The following LRMDA variants were observed in gnomAD, a reference collection of about 807,000 sequenced individuals.
LRMDA encodes the protein leucine rich melanocyte differentiation associated.
LRMDA carries 18 observed loss-of-function variants against 29.8 expected under a neutral mutation model. That is an observed-to-expected ratio of 0.60 (90% CI 0.42 to 0.90). LRMDA has a LOEUF of 0.90. Ranked by LOEUF, LRMDA falls within the 40% of genes least tolerant of loss-of-function variation. LRMDA has a pLI of 0.00. For synonymous variants in LRMDA, 125 were observed against 109.4 expected (o/e 1.14, Z -0.89); for missense variants, 273 against 273.9 (o/e 1.00, Z 0.02).
intron 6 of LRMDA, among the ~76,000 whole-genome samples, chr10:76,359,137 A>G (rs1841278769): frequency 6.6e-6 from 1 of 152,146 alleles, no homozygotes; most frequent in African/African-American, 2.4e-5. Context: ...CCACCACACC[A>G]TTTTGTCATT....
At chr10:76,000,172 T>G (rs1356242348) in intron 2 of LRMDA, among the ~76,000 whole-genome samples, 1 of 152,098 alleles carries the variant, frequency 6.6e-6, no homozygotes, top group Non-Finnish European at 1.5e-5. Flanking sequence ...TTTTTGGTGA[T>G]GGAGGTGGAG....
At chr10:75,471,776 A>G (rs1010690196) in intron 2 of LRMDA, among the ~76,000 whole-genome samples, 11 of 152,190 alleles carry the variant, frequency 7.2e-5, no homozygotes, top group African/African-American at 2.7e-4. Flanking sequence ...TGATGTTGGA[A>G]ATCGAGTGGT....
intron 6 of LRMDA, among the ~76,000 whole-genome samples, chr10:76,530,755 A>C (rs1009428743): frequency 6.6e-6 from 1 of 152,206 alleles, no homozygotes; most frequent in African/African-American, 2.4e-5. Context: ...GTATCATGGA[A>C]TGAAACACAA....
At chr10:75,813,359 C>G (rs1005799327) in intron 2 of LRMDA, among the ~76,000 whole-genome samples, 25 of 152,300 alleles carry the variant, frequency 1.6e-4, no homozygotes, top group Admixed American at 8.5e-4. Context: ...GAAGTATCTT[C>G]CCTGGAGGGT....
chr10:75,575,726 C>T (rs551246966), intron 2 of LRMDA, among the ~76,000 whole-genome samples: 88 of 152,190 alleles, frequency 5.8e-4, no homozygotes, highest in Non-Finnish European at 9.9e-4. Flanking sequence ...GAGGGTGAGC[C>T]GAAGCAGGAG....
At chr10:76,309,588 GGT>G (rs1170288403) in intron 5 of LRMDA, among the ~76,000 whole-genome samples, 1 of 152,066 alleles carries the variant, frequency 6.6e-6, no homozygotes, top group Non-Finnish European at 1.5e-5. Context: ...TTGAAAGGCG[GGT>G]GTCTCCCTCT....
At chr10:75,721,559 T>A (rs1351759929) in intron 2 of LRMDA, among the ~76,000 whole-genome samples, 1 of 152,098 alleles carries the variant, frequency 6.6e-6, no homozygotes, top group Non-Finnish European at 1.5e-5. Context: ...GGTGATGGAT[T>A]ATTAGGGATT....
At chr10:76,433,048 C>T (rs1169632833) in intron 6 of LRMDA, among the ~76,000 whole-genome samples, 1 of 152,158 alleles carries the variant, frequency 6.6e-6, no homozygotes, top group Non-Finnish European at 1.5e-5. Flanking sequence ...CCACATTGAA[C>T]TCAGAAGTAT....
chr10:76,338,409 G>A (rs141169061), intron 6 of LRMDA, among the ~76,000 whole-genome samples: 3 of 149,920 alleles, frequency 2.0e-5, no homozygotes, highest in Non-Finnish European at 1.5e-5. Context: ...ATAAATAAAT[G>A]GATGTAGAAC....
At chr10:75,947,410 C>T (rs988366291) in intron 2 of LRMDA, among the ~76,000 whole-genome samples, 1 of 152,176 alleles carries the variant, frequency 6.6e-6, no homozygotes, top group Non-Finnish European at 1.5e-5. Context: ...TCGCAAGCCT[C>T]ACTTCAGGCA....
chr10:76,165,051 C>T (rs1025652961), intron 5 of LRMDA, among the ~76,000 whole-genome samples: 2 of 152,224 alleles, frequency 1.3e-5, no homozygotes, highest in Non-Finnish European at 2.9e-5. Flanking sequence ...TGTTTCACTG[C>T]AAACTCTGCC....
intron 2 of LRMDA, among the ~76,000 whole-genome samples, chr10:75,841,592 C>T (rs114105838): frequency 0.015 from 2,283 of 152,166 alleles, 58 homozygotes; most frequent in African/African-American, 0.052. Context: ...GAAGACTTAC[C>T]TGTGAATGAG....
chr10:75,912,604 G>A (rs940698400), intron 2 of LRMDA, among the ~76,000 whole-genome samples: 16 of 152,276 alleles, frequency 1.1e-4, no homozygotes, highest in African/African-American at 3.9e-4. Flanking sequence ...GTACATTAGG[G>A]TGGGATAGGG....
At chr10:76,163,423 A>G (rs980727909) in intron 5 of LRMDA, among the ~76,000 whole-genome samples, 2 of 152,176 alleles carry the variant, frequency 1.3e-5, no homozygotes, top group Admixed American at 6.5e-5. Flanking sequence ...TTCTAAATGT[A>G]TGTGTGGTAA....
intron 6 of LRMDA, among the ~76,000 whole-genome samples, chr10:76,529,429 G>C (rs1245059796): frequency 6.6e-6 from 1 of 152,090 alleles, no homozygotes; most frequent in Non-Finnish European, 1.5e-5. Flanking sequence ...GACATTATGA[G>C]TGTCCCCATT....
At chr10:75,951,649 A>T (rs1002868134) in intron 2 of LRMDA, among the ~76,000 whole-genome samples, 2 of 152,198 alleles carry the variant, frequency 1.3e-5, no homozygotes, top group African/African-American at 4.8e-5. Context: ...ACAAATCATG[A>T]TTCTTGAAAT....
At chr10:76,258,539 T>C (rs1247049284) in intron 5 of LRMDA, among the ~76,000 whole-genome samples, 1 of 152,188 alleles carries the variant, frequency 6.6e-6, no homozygotes, top group Non-Finnish European at 1.5e-5. Context: ...ACAATGTTTT[T>C]TTAACATGAG....
At chr10:76,306,065 G>C (rs1035672205) in intron 5 of LRMDA, among the ~76,000 whole-genome samples, 1 of 152,138 alleles carries the variant, frequency 6.6e-6, no homozygotes, top group South Asian at 2.1e-4. Context: ...ATCTAGAAAA[G>C]TTAAGTTCTT....
At chr10:75,798,857 A>G (rs903840950) in intron 2 of LRMDA, among the ~76,000 whole-genome samples, 36 of 152,122 alleles carry the variant, frequency 2.4e-4, no homozygotes, top group African/African-American at 4.6e-4. Flanking sequence ...AAGCATCACT[A>G]TGTGCTCCAT....
Sources: gnomAD v4.1 joint callset for allele counts (sites outside exome capture counted in the v4.1 genomes callset) on GRCh38, gnomAD v4.1.1 for gene constraint, MANE v1.5 for transcripts, NCBI Gene and HGNC (gene_info 2026-07-23, HGNC 2026-07-21) for gene names.